Variants in AGO3 observed in about 807,000 individuals in gnomAD.
The protein encoded by AGO3 is protein argonaute-3.
Under a neutral mutation model 105.5 loss-of-function variants are expected in AGO3, and 16 were observed. The observed-to-expected ratio is 0.15, with a 90% CI of 0.10 to 0.23. AGO3 has a LOEUF of 0.23. AGO3 is among the 10% of genes least tolerant of loss of function. The probability of loss-of-function intolerance (pLI) is 1.00; values close to 1 mark genes in which losing one functional copy is unlikely to be tolerated. For missense variants in AGO3, 534 were observed against 1,088.0 expected (o/e 0.49, Z 7.16); for synonymous variants, 340 against 367.3 (o/e 0.93, Z 0.85).
chr1:35,978,970 T>C (rs1490092344), intron 5 of AGO3, among the ~76,000 whole-genome samples: 1 of 152,208 alleles, frequency 6.6e-6, no homozygotes, highest in Non-Finnish European at 1.5e-5. Flanking sequence ...ATTTCCTCTG[T>C]GCTTGAAATA....
intron 12 of AGO3, among the ~76,000 whole-genome samples, chr1:36,030,138 G>A (rs1641704891): frequency 6.6e-6 from 1 of 152,094 alleles, no homozygotes; most frequent in Non-Finnish European, 1.5e-5. Flanking sequence ...AATGAGAAAA[G>A]ATTATAAACT....
At chr1:35,997,973 ATTTG>A (rs561383278) in intron 5 of AGO3, among the ~76,000 whole-genome samples, 10 of 152,324 alleles carry the variant, frequency 6.6e-5, no homozygotes, top group South Asian at 2.1e-4. Flanking sequence ...AGAAACAGAA[ATTTG>A]TTTGTCAATT....
chr1:36,059,212 C>T lies in AGO3; in HGVS notation c.*3467C>T, dbSNP rs561682050. 5 of 152,090 alleles carry T rather than the reference C, an allele frequency of 3.3e-5. No homozygotes were observed. The highest frequency in any genetic ancestry group is 2.0e-4 in the Admixed American group (3 of 15,266). 9.4% of individuals were successfully genotyped at this position (152,090 alleles called of 1,614,324 possible). On this transcript the variant is annotated 3_prime_UTR_variant, in exon 19 of 19. Transcript: ENST00000373191. ...GCATTGCTAGTTTAAAGTTGATTAA[C>T]TTGAAAGAGTATGTATACTATATTT... is the stretch of plus-strand genomic sequence containing the variant.
In AGO3 at chr1:36,067,819, C is replaced by G. The variant is rs1445624724; in HGVS notation, c.*12074C>G. 6.7e-6 allele frequency: 1 copy of G among 150,364 alleles called. No individual in the cohort carries two copies. Among genetic ancestry groups the G allele is most frequent in the African/African-American group, 2.5e-5 (1 of 40,736 alleles). The allele number at this position is 150,364 out of a possible 1,614,324, so 9.3% of individuals were successfully genotyped here. On this transcript the variant is annotated 3_prime_UTR_variant, in exon 19 of 19. Coordinates refer to ENST00000373191, the MANE Select transcript of AGO3 (RefSeq NM_024852.4). ...CCAGCCTGGGTGGCAGAGTGAGACT[C>G]CGTCTCAAAAAAAAAAAAAAGAAGG...
chr1:36,019,271 T>C (rs1569816381), intron 11 of AGO3, among the ~76,000 whole-genome samples: 1 of 152,206 alleles, frequency 6.6e-6, no homozygotes, highest in East Asian at 1.9e-4. Flanking sequence ...GGTTCTGTTA[T>C]TAGGAGCATA....
In AGO3 at chr1:36,028,513, G is replaced by A. The variant is rs570275514; in HGVS notation, c.1591+1215G>A. Among the ~76,000 whole-genome samples, 341 of 149,244 alleles carry A rather than the reference G, an allele frequency of 2.3e-3. 3 individuals carry two copies. Among genetic ancestry groups the A allele is most frequent in the Admixed American group, 0.014 (208 of 14,558 alleles). On this transcript the variant is annotated intron_variant, in intron 12 of 18. Transcript: ENST00000373191. The stretch of plus-strand genomic sequence containing the variant: ...ATGCGGTGTTTGGTTTTTTGTTCTT[G>A]CGATAGTTTACTGAGAATGATGATT...
chr1:35,978,519 T>G lies in AGO3; in HGVS notation c.658+5008T>G, dbSNP rs545051998. ...AAAACAATTTTTTTTTTTATTAACG[T>G]TAAACTCACTAGAAAACTCTCAAGA... On this transcript the variant is annotated intron_variant, in intron 5 of 18. Transcript: ENST00000373191. Among the ~76,000 whole-genome samples, 7 of 152,242 alleles carry G rather than the reference T, an allele frequency of 4.6e-5. No homozygotes were observed. The South Asian group carries it at 1.0e-3, about 23-fold the overall frequency.
intron 5 of AGO3, chr1:35,982,730 TCTA>T: frequency 2.8e-6 from 2 of 705,202 alleles, no homozygotes; most frequent in South Asian, 3.1e-5. Context: ...ATGGTGATGG[TCTA>T]ATGTGGGATG....
chr1:36,038,195 A>G (rs575764730), intron 14 of AGO3, among the ~76,000 whole-genome samples: 7 of 151,270 alleles, frequency 4.6e-5, no homozygotes, highest in African/African-American at 1.7e-4. Flanking sequence ...ACTGCAGGCT[A>G]TGAGGCTAGG....
intron 11 of AGO3, among the ~76,000 whole-genome samples, chr1:36,018,436 G>GT (rs374206121): frequency 2.2e-4 from 33 of 150,376 alleles, no homozygotes; most frequent in East Asian, 1.6e-3. Flanking sequence ...GAGGGTTTTT[G>GT]TTTTTTTTTG....
chr1:36,014,193 C>G, intron 11 of AGO3, 145 bp downstream of exon 11: 1 of 1,098,412 alleles, frequency 9.1e-7, no homozygotes, highest in African/African-American at 1.6e-5. Flanking sequence ...GAGTCTCACT[C>G]TGTCACCCAG....
In AGO3 at chr1:35,996,942, A is replaced by G. The variant is rs542090299; in HGVS notation, c.659-7399A>G. On this transcript the variant is annotated intron_variant, in intron 5 of 18. Transcript: ENST00000373191. ...ACAAATGTTGACAAAGATTTGGAGC[A>G]ACTAGAAATTTAGGAGTGTAAAATG... 8.6e-4 allele frequency among the ~76,000 whole-genome samples: 131 copies of G among 152,286 alleles called. 1 individual carries two copies. The highest frequency in any genetic ancestry group is 3.1e-3 in the African/African-American group (129 of 41,556).
chr1:35,970,289 T>C (rs1168243582), intron 3 of AGO3, among the ~76,000 whole-genome samples: 2 of 152,226 alleles, frequency 1.3e-5, no homozygotes, highest in African/African-American at 4.8e-5. Flanking sequence ...CTTTGTATGG[T>C]AAATCTAACA....
rs538638 is a variant in AGO3, at chr1:36,069,043, G to T, written c.*13298G>T. 0.72 allele frequency: 109,971 copies of T among 152,168 alleles called. 43,481 individuals carry two copies. The highest frequency in any genetic ancestry group is 0.91 in the Non-Finnish European group (61,926 of 68,026). 9.4% of individuals were successfully genotyped at this position (152,168 alleles called of 1,614,324 possible). A position where few individuals can be genotyped will look rare whatever the true frequency, so the allele number is the denominator to read the frequency against. On this transcript the variant is annotated 3_prime_UTR_variant, in exon 19 of 19. Coordinates refer to ENST00000373191, the MANE Select transcript of AGO3 (RefSeq NM_024852.4). The stretch of plus-strand genomic sequence containing the variant: ...TAGGCAATTCGTTTAATCTCTGTGT[G>T]CCTAGTTTCCCCTTGTAAATAAGAG...
intron 11 of AGO3, among the ~76,000 whole-genome samples, chr1:36,022,435 A>G (rs1641278355): frequency 6.6e-6 from 1 of 152,136 alleles, no homozygotes; most frequent in Non-Finnish European, 1.5e-5. Context: ...AAATTACATA[A>G]AGTGAGATTT....
Position 36,036,198 on chromosome 1 carries a change from A to G in AGO3, c.1773A>G (p.Pro591=), listed in dbSNP as rs139849193. 244 of 1,614,182 alleles carry G rather than the reference A, an allele frequency of 1.5e-4. 1 individual carries two copies. In the Middle Eastern group the frequency reaches 2.3e-3, roughly 15 times the overall value. Residue 591 remains proline, a synonymous_variant, in exon 14 of 19, where the codon CCA becomes CCG. Transcript: ENST00000373191. The part of the protein sequence containing the change: ...PHQRPSVFQQ[P]VIFLGADVTH... ...TAAGACCTTCTGTGTTCCAGCAACC[A>G]GTGATCTTTTTGGGAGCCGATGTCA...
intron 11 of AGO3, among the ~76,000 whole-genome samples, chr1:36,014,312 C>A (rs1228748228): frequency 6.6e-6 from 1 of 151,952 alleles, no homozygotes; most frequent in Non-Finnish European, 1.5e-5. Context: ...GTGTGTGCCA[C>A]CACGCCCAGC....
chr1:36,027,434 G>A lies in AGO3; in HGVS notation c.1591+136G>A. On this transcript the variant is annotated intron_variant, in intron 12 of 18. Transcript: ENST00000373191. The surrounding 1 kb of genome is among the most constrained non-coding windows in gnomAD (Gnocchi z 4.0). ...TATTTAAAACCATGTATTATTACTT[G>A]AAGACAAATTAATATAGCAAACTAA... 1 of 879,666 alleles carries A rather than the reference G, an allele frequency of 1.1e-6. No individual in the cohort carries two copies. The highest frequency in any genetic ancestry group is 1.7e-5 in the African/African-American group (1 of 59,160). 54.5% of individuals were successfully genotyped at this position (879,666 alleles called of 1,614,324 possible).
chr1:35,938,888 A>G (rs1402264573), intron 1 of AGO3, among the ~76,000 whole-genome samples: 1 of 151,892 alleles, frequency 6.6e-6, no homozygotes, highest in Non-Finnish European at 1.5e-5. Context: ...GCTATTGTTT[A>G]GCTTTAGACT....
Sources: allele counts gnomAD v4.1 joint callset (sites outside exome capture counted in the v4.1 genomes callset), GRCh38; gene constraint gnomAD v4.1.1; non-coding constraint Gnocchi (gnomAD v3.1); transcripts MANE v1.5; gene names NCBI Gene and HGNC (gene_info 2026-07-23, HGNC 2026-07-21).